MAGI2: variants seen among roughly 807,000 people sequenced by gnomAD.
MAGI2 encodes membrane associated guanylate kinase, WW and PDZ domain containing 2.
Under a neutral mutation model 133.3 loss-of-function variants are expected in MAGI2, and 35 were observed. The observed-to-expected ratio is 0.26, with a 90% CI of 0.20 to 0.35. MAGI2 has a LOEUF of 0.35. Ranked by LOEUF, MAGI2 falls within the 10% of genes least tolerant of loss-of-function variation. MAGI2 has a pLI of 1.00. For missense variants in MAGI2, 1,636 were observed against 1,863.4 expected (o/e 0.88, Z 2.25); for synonymous variants, 729 against 710.6 (o/e 1.03, Z -0.41).
At chr7:78,388,386 C>G (rs1346562653) in intron 6 of MAGI2, among the ~76,000 whole-genome samples, 1 of 152,014 alleles carries the variant, frequency 6.6e-6, no homozygotes, top group African/African-American at 2.4e-5. Context: ...GACATTGGGT[C>G]CAAACTTAGA....
intron 2 of MAGI2, among the ~76,000 whole-genome samples, chr7:78,857,219 C>A (rs899025370): frequency 6.6e-6 from 1 of 152,176 alleles, no homozygotes; most frequent in Non-Finnish European, 1.5e-5. Context: ...TTGACTCTGT[C>A]TTTTCCTAAT....
intron 2 of MAGI2, among the ~76,000 whole-genome samples, chr7:78,974,272 G>A (rs555126420): frequency 5.9e-5 from 9 of 151,406 alleles, no homozygotes; most frequent in South Asian, 2.1e-4. Context: ...AGCCTCTTTC[G>A]GGATAACAAA....
At chr7:78,780,693 A>G (rs1826326212) in intron 2 of MAGI2, among the ~76,000 whole-genome samples, 1 of 152,234 alleles carries the variant, frequency 6.6e-6, no homozygotes, top group Admixed American at 6.5e-5. Context: ...AGGCTTTCAA[A>G]GAACCCAAGG....
At chr7:79,287,880 T>A (rs1000608346) in intron 1 of MAGI2, among the ~76,000 whole-genome samples, 3 of 132,082 alleles carry the variant, frequency 2.3e-5, no homozygotes, top group Non-Finnish European at 5.1e-5. Context: ...AAATAGAAAA[T>A]TGTACAATGC....
chr7:79,349,744 T>C (rs777786563), intron 1 of MAGI2, among the ~76,000 whole-genome samples: 2 of 152,094 alleles, frequency 1.3e-5, no homozygotes, highest in Non-Finnish European at 2.9e-5. Flanking sequence ...TTTCTGCTTA[T>C]GGTATTAATA....
intron 6 of MAGI2, among the ~76,000 whole-genome samples, chr7:78,464,757 T>C (rs1790442632): frequency 6.6e-6 from 1 of 150,456 alleles, no homozygotes; most frequent in African/African-American, 2.4e-5. Context: ...TTACAACAAA[T>C]ACATGCAAAA....
At chr7:79,120,431 A>G (rs1284501982) in intron 1 of MAGI2, among the ~76,000 whole-genome samples, 1 of 152,024 alleles carries the variant, frequency 6.6e-6, no homozygotes, top group Non-Finnish European at 1.5e-5. Flanking sequence ...TTCCCTTTTA[A>G]TATTATTAAT....
intron 6 of MAGI2, among the ~76,000 whole-genome samples, chr7:78,403,544 T>C (rs1287942833): frequency 2.0e-5 from 3 of 152,182 alleles, no homozygotes; most frequent in African/African-American, 7.2e-5. Context: ...CAAATGGTAT[T>C]TCTAGGTCTA....
chr7:79,314,437 A>G (rs749770615), intron 1 of MAGI2, among the ~76,000 whole-genome samples: 1 of 152,134 alleles, frequency 6.6e-6, no homozygotes, highest in Non-Finnish European at 1.5e-5. Flanking sequence ...GAGAAGTCCT[A>G]TGACCTGGAA....
At chr7:79,174,464 G>A (rs1825906266) in intron 1 of MAGI2, among the ~76,000 whole-genome samples, 1 of 151,884 alleles carries the variant, frequency 6.6e-6, no homozygotes, top group South Asian at 2.1e-4. Flanking sequence ...AAAGTGATGA[G>A]AACATGACAA....
chr7:79,357,747 A>G (rs1168564747), intron 1 of MAGI2, among the ~76,000 whole-genome samples: 1 of 152,158 alleles, frequency 6.6e-6, no homozygotes, highest in Non-Finnish European at 1.5e-5. Context: ...AATAGGACCT[A>G]AGTGTATATA....
intron 3 of MAGI2, among the ~76,000 whole-genome samples, chr7:78,607,607 T>G (rs1373718351): frequency 6.6e-6 from 1 of 152,180 alleles, no homozygotes; most frequent in African/African-American, 2.4e-5. Flanking sequence ...CTATGACCTT[T>G]GTGGTGGTTT....
chr7:79,114,359 T>C (rs1819209859), intron 1 of MAGI2, among the ~76,000 whole-genome samples: 1 of 152,194 alleles, frequency 6.6e-6, no homozygotes, highest in Admixed American at 6.5e-5. Context: ...GTTACAGGCT[T>C]ACCAAGAGTC....
chr7:78,499,309 G>T (rs954551216), intron 5 of MAGI2, among the ~76,000 whole-genome samples: 3 of 152,122 alleles, frequency 2.0e-5, no homozygotes, highest in African/African-American at 4.8e-5. Context: ...CTTCTCTGCG[G>T]TGCCCCTTTT....
intron 1 of MAGI2, among the ~76,000 whole-genome samples, chr7:79,105,564 T>C (rs1029458756): frequency 6.6e-6 from 1 of 152,192 alleles, no homozygotes; most frequent in African/African-American, 2.4e-5. Flanking sequence ...AAATTTAAAC[T>C]GTTATTTTCT....
At chr7:78,211,615 A>G (rs1787775048) in intron 10 of MAGI2, among the ~76,000 whole-genome samples, 1 of 152,220 alleles carries the variant, frequency 6.6e-6, no homozygotes, top group Admixed American at 6.5e-5. Flanking sequence ...TAAAGATAAT[A>G]ACAAACTATT....
intron 3 of MAGI2, among the ~76,000 whole-genome samples, chr7:78,612,678 T>C (rs1020053207): frequency 6.7e-6 from 1 of 148,264 alleles, no homozygotes; most frequent in Non-Finnish European, 1.5e-5. Context: ...TTTTTTTTAA[T>C]TTTTTTTTTG....
chr7:78,555,477 G>A (rs769131428), intron 3 of MAGI2, among the ~76,000 whole-genome samples: 25 of 152,038 alleles, frequency 1.6e-4, no homozygotes, highest in African/African-American at 6.0e-4. Flanking sequence ...AAGTTTGTGG[G>A]CATAAAGCTG....
In MAGI2 at chr7:79,173,734, G is replaced by C. The variant is rs184494920; in HGVS notation, c.302-166528C>G. Among the ~76,000 whole-genome samples the C allele has an allele frequency of 1.1e-4, 16 of 152,196 alleles. No homozygotes were observed. In the East Asian group the frequency reaches 3.1e-3, roughly 29 times the overall value. On this transcript the variant is annotated intron_variant, in intron 1 of 21. Transcript: ENST00000354212. ...GATAAATCTTAAAATTTAGAGTGAT[G>C]AGGAAGGGACCTGTTCTATAGAACA... is the stretch of plus-strand genomic sequence containing the variant.
Sources: gnomAD v4.1 joint callset for allele counts (sites outside exome capture counted in the v4.1 genomes callset) on GRCh38, gnomAD v4.1.1 for gene constraint, MANE v1.5 for transcripts, NCBI Gene and HGNC (gene_info 2026-07-23, HGNC 2026-07-21) for gene names.